The following PKD1L3 variants were observed in gnomAD, a reference collection of about 807,000 sequenced individuals.
PKD1L3 encodes the protein polycystin 1 like 3, transient receptor potential channel interacting.
A neutral mutation model predicts 184.1 loss-of-function variants in PKD1L3; 239 were observed. The observed-to-expected ratio is 1.30, with a 90% CI of 1.17 to 1.45. PKD1L3 has a LOEUF of 1.45. Ranked by LOEUF, PKD1L3 falls within the 40% of genes most tolerant of loss-of-function variation. The probability of loss-of-function intolerance (pLI) is 0.00; values close to 1 mark genes in which losing one functional copy is unlikely to be tolerated. For missense variants in PKD1L3, 2,660 were observed against 2,067.2 expected, an observed-to-expected ratio of 1.29 and a Z score of -5.56; for synonymous variants, 996 against 778.8, an observed-to-expected ratio of 1.28 and a Z score of -4.64.
intron 16 of PKD1L3, among the ~76,000 whole-genome samples, chr16:71,957,658 A>G (rs983478056): frequency 5.3e-5 from 8 of 152,068 alleles, no homozygotes; most frequent in Admixed American, 4.6e-4. Flanking sequence ...TTAGCAAGGC[A>G]TGGTGGCACA....
At chr16:71,930,610 A>G (rs1410608540) in intron 28 of PKD1L3, 1 of 153,000 alleles carries the variant, frequency 6.5e-6, no homozygotes, top group Admixed American at 6.5e-5. Flanking sequence ...GGAGCATTCC[A>G]ATAAAAGTTA....
intron 16 of PKD1L3, 73 bp from the exon 17 acceptor site, chr16:71,954,374 G>T: frequency 8.0e-7 from 1 of 1,256,382 alleles, no homozygotes; most frequent in Non-Finnish European, 1.1e-6. Flanking sequence ...GATGTGATTT[G>T]CCCAGCAACA....
chr16:71,983,674 T>TTTTTTTG (rs2040248846), intron 6 of PKD1L3, among the ~76,000 whole-genome samples: 1 of 132,246 alleles, frequency 7.6e-6, no homozygotes, highest in Non-Finnish European at 1.6e-5. Context: ...TTTTTTTTTT[T>TTTTTTTG]TTTTTTTTTT....
chr16:71,963,243 G>A lies in PKD1L3; in HGVS notation c.2574C>T (p.Val858=). The stretch of plus-strand genomic sequence containing the variant: ...GCTCTCTCTTTGAAACTGGGATGAA[G>A]ACCCGGTCAAGCTCACAGTCTCCGA... ...VDLGDCELDR[V]FIPVSKRELF... is the part of the protein sequence containing the mutation. Residue 858 remains valine, a synonymous_variant, in exon 16 of 30, where the codon GTC becomes GTT. Transcript: ENST00000620267. 1 of 1,551,094 alleles carries A rather than the reference G, an allele frequency of 6.4e-7. No individual in the cohort carries two copies. Among genetic ancestry groups the A allele is most frequent in the Non-Finnish European group, 8.7e-7 (1 of 1,146,720 alleles).
At chr16:71,982,595 T>C (rs2040204262) in intron 6 of PKD1L3, among the ~76,000 whole-genome samples, 1 of 151,906 alleles carries the variant, frequency 6.6e-6, no homozygotes, top group South Asian at 2.1e-4. Context: ...TATGATTGCT[T>C]TTTAAAATTT....
chr16:71,990,303 G>T lies in PKD1L3; in HGVS notation c.562C>A (p.His188Asn). Residue 188 changes from histidine (H) to asparagine (N), a missense_variant, in exon 4 of 30, where the codon CAC becomes AAC. Coordinates refer to ENST00000620267, the MANE Select transcript of PKD1L3 (RefSeq NM_181536.2). ...PGPGHLPTTC[H>N]YPLPAHLSKT... ...ACAAGATGAGCAGGAAGAGGATAGT[G>T]ACATGTGGTTGGAAGATGACCAGGT... 6.5e-7 allele frequency: 1 copy of T among 1,548,738 alleles called. No individual in the cohort carries two copies.
chr16:71,946,248 AGT>A (rs1442701691), intron 22 of PKD1L3, among the ~76,000 whole-genome samples: 3 of 152,238 alleles, frequency 2.0e-5, no homozygotes, highest in African/African-American at 7.2e-5. Context: ...ACTGCTTAGC[AGT>A]AGATCACCAC....
Position 71,951,625 on chromosome 16 carries a change from G to T in PKD1L3, c.3129C>A (p.Leu1043=), listed in dbSNP as rs545366386. 1 of 1,551,762 alleles carries T rather than the reference G, an allele frequency of 6.4e-7. No individual in the cohort carries two copies. The highest frequency in any genetic ancestry group is 8.7e-7 in the Non-Finnish European group (1 of 1,146,988). The part of the protein sequence containing the change: ...ITKLVKLLSS[L]VSSHLEGQGC... ...CTTGACCCTCCAAGTGAGATGATACGAGGCTGGATAAAAGTTTCACCAGCT... is the reference window on the plus strand; with the variant it reads ...CTTGACCCTCCAAGTGAGATGATACTAGGCTGGATAAAAGTTTCACCAGCT... The change falls in exon 19 of 30, where the codon CTC becomes CTA. Residue 1043 remains leucine (L), a synonymous_variant. Coordinates refer to ENST00000620267, the MANE Select transcript of PKD1L3 (RefSeq NM_181536.2).
In PKD1L3 at chr16:71,930,203, A is replaced by G; in HGVS notation, c.4927-20T>C. On this transcript the variant is annotated intron_variant, in intron 28 of 29. Transcript: ENST00000620267. ...GAAAACCTGGGAAAACAATAAGAAC[A>G]CTTGCAGTGACTGACAATTTAGTTT... 1 of 1,524,844 alleles carries G rather than the reference A, an allele frequency of 6.6e-7. No individual in the cohort carries two copies. The highest frequency in any genetic ancestry group is 8.8e-7 in the Non-Finnish European group (1 of 1,134,648). 94.5% of individuals were successfully genotyped at this position (1,524,844 alleles called of 1,614,324 possible). A position where few individuals can be genotyped will look rare whatever the true frequency, so the allele number is the denominator to read the frequency against.
At chr16:71,951,539 G>A (rs373628267) in intron 19 of PKD1L3, 25 bp downstream of exon 19, 14 of 1,533,268 alleles carry the variant, frequency 9.1e-6, no homozygotes, top group Admixed American at 8.2e-5. Context: ...TGGAAGATTC[G>A]TTACTGAAAT....
Position 71,987,529 on chromosome 16 carries a change from C to T in PKD1L3, c.586-1060G>A, listed in dbSNP as rs945422625. 2.0e-5 allele frequency among the ~76,000 whole-genome samples: 3 copies of T among 152,176 alleles called. No individual in the cohort carries two copies. The East Asian group carries it at 5.8e-4, about 29-fold the overall frequency. ...CTGGGACTACAGGACCACATCACCA[C>T]ACCCGGCTAATTTTTGTATTTTTAG... On this transcript the variant is annotated intron_variant, in intron 4 of 29. Transcript: ENST00000620267.
rs1447584755 is a variant in PKD1L3, at chr16:71,940,874, CACCCAGGCTGGAGTGCACTGGT to C, written c.4324+1664_4324+1685del. Among the ~76,000 whole-genome samples, 7 of 151,308 alleles carry C rather than the reference CACCCAGGCTGGAGTGCACTGGT, an allele frequency of 4.6e-5. No individual in the cohort carries two copies. The East Asian group carries it at 1.2e-3, about 25-fold the overall frequency. On this transcript the variant is annotated intron_variant, in intron 24 of 29. Transcript: ENST00000620267. ...TTTTCTTGATACAGGGTCTGGCTCT[CACCCAGGCTGGAGTGCACTGGT>C]ATGATCTCAGCTCACTACAACCTTT...
rs981916967 is a variant in PKD1L3, at chr16:71,977,138, G to T, written c.1759+98C>A. ...TAAGGCAGGAGGATCCCCTGAGCCT[G>T]ACAGTTTGAGGCTGCAGTCAACAAT... On this transcript the variant is annotated intron_variant, in intron 11 of 29. Coordinates refer to ENST00000620267, the MANE Select transcript of PKD1L3 (RefSeq NM_181536.2). 5 of 916,622 alleles carry T rather than the reference G, an allele frequency of 5.5e-6. No homozygotes were observed. In the Admixed American group the frequency reaches 1.0e-4, roughly 19 times the overall value. The allele number at this position is 916,622 out of a possible 1,614,324, so 56.8% of individuals were successfully genotyped here.
rs193013437 is a variant in PKD1L3, at chr16:71,973,517, T to C, written c.1760A>G (p.Asp587Gly). The change falls in exon 12 of 30, where the codon GAT (aspartate) becomes GGT (glycine). Residue 587 changes from aspartate to glycine, a missense_variant and splice_region_variant. Transcript: ENST00000620267. ...ATTCAGCACCCACGTGTACTCCTCA[T>C]CTTAGAACAAAGAAGAGTGCTTACT... ...TLPKDKVWQK[D>G]EEYTWVLNPE... 2 of 1,550,746 alleles carry C rather than the reference T, an allele frequency of 1.3e-6. No homozygotes were observed. The highest frequency in any genetic ancestry group is 2.7e-5 in the African/African-American group (2 of 73,024).
In PKD1L3 at chr16:71,954,167, T is replaced by A; in HGVS notation, c.2747A>T (p.Asn916Ile). The A allele has an allele frequency of 6.4e-7, 1 of 1,551,478 alleles. No homozygotes were observed. The highest frequency in any genetic ancestry group is 1.2e-5 in the South Asian group (1 of 83,908). Residue 916 changes from asparagine to isoleucine, a missense_variant, in exon 17 of 30, where the codon AAC becomes ATC. Transcript: ENST00000620267. Reference protein sequence around the residue: ...LSCCMTLLLCNMVINVMFWKI... With the variant: ...LSCCMTLLLCIMVINVMFWKI... ...CCAGAACATAACATTGATGACCATGTTGCAGAGTAGCAGTGTCATGCAGCA... is the reference window on the plus strand; with the variant it reads ...CCAGAACATAACATTGATGACCATGATGCAGAGTAGCAGTGTCATGCAGCA...
At chr16:71,959,032 T>A (rs1313993596) in intron 16 of PKD1L3, among the ~76,000 whole-genome samples, 2 of 134,762 alleles carry the variant, frequency 1.5e-5, no homozygotes, top group African/African-American at 2.8e-5. Context: ...TATAGTAAGC[T>A]GAGATTGCAC....
intron 2 of PKD1L3, among the ~76,000 whole-genome samples, chr16:71,995,450 C>G (rs1374900757): frequency 1.3e-5 from 2 of 152,218 alleles, no homozygotes; most frequent in African/African-American, 2.4e-5. Flanking sequence ...TATTTTCTCT[C>G]TCCCTCATAG....
chr16:71,938,767 G>A (rs778205451), intron 24 of PKD1L3, among the ~76,000 whole-genome samples: 9 of 152,192 alleles, frequency 5.9e-5, no homozygotes, highest in African/African-American at 2.2e-4. Context: ...CCTGCCTGTG[G>A]ATAGGAGCTA....
intron 12 of PKD1L3, among the ~76,000 whole-genome samples, chr16:71,971,938 C>T (rs912740436): frequency 2.1e-4 from 32 of 152,008 alleles, no homozygotes; most frequent in Admixed American, 9.8e-4. Flanking sequence ...GTAATTAGGC[C>T]GGGCACGGTG....
Sources: allele counts gnomAD v4.1 joint callset (sites outside exome capture counted in the v4.1 genomes callset), GRCh38; gene constraint gnomAD v4.1.1; transcripts MANE v1.5; gene names NCBI Gene and HGNC (gene_info 2026-07-23, HGNC 2026-07-21).